The following PTTG1IP2 variants were observed in gnomAD, a reference collection of about 807,000 sequenced individuals.
PTTG1IP2 encodes PTTG1IP family member 2.
chr7:90,512,017 C>G (rs1341965918), intron 6 of PTTG1IP2, among the ~76,000 whole-genome samples: 2 of 152,124 alleles, frequency 1.3e-5, no homozygotes, highest in Non-Finnish European at 2.9e-5. Flanking sequence ...CCTTATAGTT[C>G]TTGACATAGA....
chr7:90,479,340 A>G (rs1797790227), intron 2 of PTTG1IP2, 66 bp downstream of exon 2: 1 of 152,624 alleles, frequency 6.6e-6, no homozygotes, highest in African/African-American at 2.4e-5. Context: ...TACAGTTGTC[A>G]TTTAAAAGAT....
chr7:90,470,825 G>A (rs1208935001), intron 1 of PTTG1IP2, among the ~76,000 whole-genome samples: 1 of 151,826 alleles, frequency 6.6e-6, no homozygotes, highest in Non-Finnish European at 1.5e-5. Flanking sequence ...TGCCATCCTG[G>A]CCCCTTCTCC....
intron 1 of PTTG1IP2, among the ~76,000 whole-genome samples, chr7:90,477,743 A>G (rs116849296): frequency 0.026 from 3,922 of 152,276 alleles, 82 homozygotes; most frequent in Non-Finnish European, 0.038. Flanking sequence ...GAGTTTAGTT[A>G]AAAGTCACGT....
chr7:90,507,177 G>T (rs1798134051), intron 6 of PTTG1IP2, among the ~76,000 whole-genome samples: 1 of 152,220 alleles, frequency 6.6e-6, no homozygotes, highest in African/African-American at 2.4e-5. Context: ...TCAAAATACA[G>T]TGTAGGGATA....
At chr7:90,489,116 A>G (rs1428250575) in intron 4 of PTTG1IP2, among the ~76,000 whole-genome samples, 152 bp downstream of exon 4, 1 of 151,532 alleles carries the variant, frequency 6.6e-6, no homozygotes, top group Non-Finnish European at 1.5e-5. Context: ...AAGTACGGAA[A>G]TTGTAAAATG....
At chr7:90,476,688 G>A (rs1264923108) in intron 1 of PTTG1IP2, among the ~76,000 whole-genome samples, 1 of 152,064 alleles carries the variant, frequency 6.6e-6, no homozygotes, top group Non-Finnish European at 1.5e-5. Context: ...CAAAGAAAAA[G>A]TGATATTCCA....
intron 2 of PTTG1IP2, among the ~76,000 whole-genome samples, chr7:90,480,187 C>G (rs1360157108): frequency 1.3e-5 from 2 of 152,160 alleles, no homozygotes; most frequent in East Asian, 3.8e-4. Flanking sequence ...TCTGTGGCAT[C>G]TCTGAACCCT....
At chr7:90,507,816 G>A (rs948544661) in intron 6 of PTTG1IP2, among the ~76,000 whole-genome samples, 5 of 152,050 alleles carry the variant, frequency 3.3e-5, no homozygotes, top group African/African-American at 1.2e-4. Flanking sequence ...TCAATAAATG[G>A]TTATATTATT....
At chr7:90,498,052 G>C (rs148551595) in intron 6 of PTTG1IP2, among the ~76,000 whole-genome samples, 7 of 150,812 alleles carry the variant, frequency 4.6e-5, no homozygotes, top group South Asian at 4.2e-4. Context: ...TTGAGATGGA[G>C]TCTCGCTCTG....
chr7:90,513,116 C>T (rs543090442), intron 6 of PTTG1IP2, among the ~76,000 whole-genome samples, 162 bp from the exon 7 acceptor site: 1 of 152,288 alleles, frequency 6.6e-6, no homozygotes, highest in Middle Eastern at 3.4e-3. Context: ...AATCATTAAC[C>T]ATGTACAGCT....
chr7:90,483,826 C>T (rs1162833090), intron 2 of PTTG1IP2, among the ~76,000 whole-genome samples: 1 of 152,144 alleles, frequency 6.6e-6, no homozygotes, highest in Non-Finnish European at 1.5e-5. Flanking sequence ...TGAATGAGCA[C>T]ATTCCTAATT....
intron 6 of PTTG1IP2, among the ~76,000 whole-genome samples, chr7:90,503,224 C>T (rs1183487696): frequency 6.6e-6 from 1 of 152,222 alleles, no homozygotes; most frequent in Non-Finnish European, 1.5e-5. Context: ...CTCTCTCAGC[C>T]TTCATAGAAT....
chr7:90,474,990 G>A (rs1344195921), intron 1 of PTTG1IP2, among the ~76,000 whole-genome samples: 17 of 152,202 alleles, frequency 1.1e-4, no homozygotes, highest in Admixed American at 1.1e-3. Context: ...AAAGTAGACA[G>A]TGAGACTCAA....
At chr7:90,489,721 A>G (rs1797917785) in intron 4 of PTTG1IP2, among the ~76,000 whole-genome samples, 1 of 151,980 alleles carries the variant, frequency 6.6e-6, no homozygotes, top group Admixed American at 6.5e-5. Context: ...GATTGTATAA[A>G]TGTTGTTTAA....
At chr7:90,486,665 G>T (rs1433823646) in intron 2 of PTTG1IP2, among the ~76,000 whole-genome samples, 1 of 152,068 alleles carries the variant, frequency 6.6e-6, no homozygotes, top group African/African-American at 2.4e-5. Flanking sequence ...GTGTAACAGA[G>T]GAGCAATCCC....
chr7:90,508,462 G>A (rs892057267), intron 6 of PTTG1IP2, among the ~76,000 whole-genome samples: 2 of 152,038 alleles, frequency 1.3e-5, no homozygotes, highest in African/African-American at 4.8e-5. Context: ...AGCTGCTAGG[G>A]GAGGAAATTT....
chr7:90,478,395 T>C (rs1425997101), intron 1 of PTTG1IP2, among the ~76,000 whole-genome samples: 1 of 152,074 alleles, frequency 6.6e-6, no homozygotes. Flanking sequence ...CACTCAACTT[T>C]CCCATGGGTA....
At chr7:90,495,290 C>T (rs1205304677) in intron 6 of PTTG1IP2, among the ~76,000 whole-genome samples, 4 of 152,198 alleles carry the variant, frequency 2.6e-5, no homozygotes, top group African/African-American at 9.7e-5. Flanking sequence ...TAATAAGTGT[C>T]ACTTGTTACT....
chr7:90,494,035 T>C (rs1584696874), intron 5 of PTTG1IP2: 1 of 152,362 alleles, frequency 6.6e-6, no homozygotes, highest in Admixed American at 6.5e-5. Context: ...TGGTCCACAC[T>C]TCTTTCCTAG....
Sources: gnomAD v4.1 joint callset for allele counts (sites outside exome capture counted in the v4.1 genomes callset) on GRCh38, gnomAD v4.1.1 for gene constraint, MANE v1.5 for transcripts, NCBI Gene and HGNC (gene_info 2026-07-23, HGNC 2026-07-21) for gene names.